The following AHCTF1 variants were observed in gnomAD, a reference collection of about 807,000 sequenced individuals.
The protein encoded by AHCTF1 is protein ELYS.
In AHCTF1, 24 loss-of-function variants were observed where a neutral mutation model predicts 248.4. That is an observed-to-expected ratio of 0.10 (90% confidence interval 0.07 to 0.14). The LOEUF (loss-of-function observed/expected upper bound fraction) is 0.14. Among genes scored for constraint, AHCTF1 ranks in the 10% least tolerant of loss-of-function variants. AHCTF1 has a pLI of 1.00. For synonymous variants in AHCTF1, 786 were observed against 929.8 expected, an observed-to-expected ratio of 0.85 and a Z score of 2.81; for missense variants, 2,206 against 2,636.2, an observed-to-expected ratio of 0.84 and a Z score of 3.57.
At position 246,916,326 on chromosome 1, in the gene AHCTF1, C is replaced by T. The variant is rs375868677; in HGVS notation, c.191G>A (p.Arg64Gln). The change falls in exon 3 of 36, where the codon CGA becomes CAA. Residue 64 changes from arginine (R) to glutamine (Q), a missense_variant. Physicochemically the swap from Arg to Gln is conservative, Grantham distance 43. Coordinates refer to ENST00000648844, the MANE Select transcript of AHCTF1 (RefSeq NM_001323342.2). ...LEVVNSITGE[R>Q]LSAYRFSGVN... Reference sequence around the variant, plus strand: ...TCCACTGAATCTGTAAGCAGACAATCGCTCTCCTGTTATAGAGTTTACTAC... The same window carrying T: ...TCCACTGAATCTGTAAGCAGACAATTGCTCTCCTGTTATAGAGTTTACTAC... 19 of 1,608,986 alleles carry T rather than the reference C, an allele frequency of 1.2e-5. No homozygotes were observed. The African/African-American group carries it at 2.1e-4, about 18-fold the overall frequency.
At chr1:246,845,466 GTC>G (rs1447307353) in intron 33 of AHCTF1, among the ~76,000 whole-genome samples, 3 of 152,160 alleles carry the variant, frequency 2.0e-5, no homozygotes, top group African/African-American at 7.2e-5. Flanking sequence ...TCTACTGGTG[GTC>G]TCTCTCTTGG....
rs1042426414 is a variant in AHCTF1 at position 246,905,462 on chromosome 1, A to G, written c.881+79T>C. The G allele has an allele frequency of 6.9e-6, 8 of 1,164,070 alleles. No individual in the cohort carries two copies. The Admixed American group carries it at 1.4e-4, about 21-fold the overall frequency. The allele number at this position is 1,164,070 out of a possible 1,614,324, so 72.1% of individuals were successfully genotyped here. A position where few individuals can be genotyped will look rare whatever the true frequency, so the allele number is the denominator to read the frequency against. ...CAGTGAGCCGAAATCACGCCACTGC[A>G]CTCCAGCCTGGACAACAGAGCGAGA... On this transcript the variant is annotated intron_variant, in intron 6 of 35. Coordinates refer to ENST00000648844, the MANE Select transcript of AHCTF1 (RefSeq NM_001323342.2).
At chr1:246,843,591 T>C (rs1444848921) in intron 34 of AHCTF1, among the ~76,000 whole-genome samples, 1 of 152,180 alleles carries the variant, frequency 6.6e-6, no homozygotes, top group Admixed American at 6.5e-5. Flanking sequence ...CACAGATGTG[T>C]CTTAAAGGTA....
rs1400582397 is a variant in AHCTF1 at position 246,902,542 on chromosome 1, T to C, written c.1100A>G (p.Glu367Gly). 2.5e-6 allele frequency: 4 copies of C among 1,610,482 alleles called. No homozygotes were observed. The African/African-American group carries it at 5.3e-5, about 22-fold the overall frequency. The change falls in exon 8 of 36, where the codon GAG (glutamate) becomes GGG (glycine). Residue 367 changes from glutamate to glycine, a missense_variant. Coordinates refer to ENST00000648844, the MANE Select transcript of AHCTF1 (RefSeq NM_001323342.2). The part of the protein sequence containing the change: ...IEKFRSHGDR[E>G]EGVNEALSPD... ...TAACTAACCTTCATTCACGCCTTCC[T>C]CCCTGTCACCATGAGATCGAAATTT...
intron 19 of AHCTF1, 131 bp from the exon 20 acceptor site, chr1:246,887,488 C>A: frequency 1.1e-6 from 1 of 896,420 alleles, no homozygotes; most frequent in Non-Finnish European, 1.7e-6. Flanking sequence ...TTTAGAAAGC[C>A]ATCATGGAGA....
At chr1:246,896,991 A>G (rs2103157944) in intron 12 of AHCTF1, among the ~76,000 whole-genome samples, 1 of 152,342 alleles carries the variant, frequency 6.6e-6, no homozygotes, top group South Asian at 2.1e-4. Context: ...CCTATAGTTT[A>G]TAGAAGTTCT....
chr1:246,914,421 TAC>T (rs1362481446), intron 3 of AHCTF1, among the ~76,000 whole-genome samples: 1 of 152,214 alleles, frequency 6.6e-6, no homozygotes. Context: ...GGCTGTAACT[TAC>T]TACAGACAAA....
chr1:246,848,798 C>T (rs1192226294), intron 33 of AHCTF1, among the ~76,000 whole-genome samples: 6 of 151,842 alleles, frequency 4.0e-5, no homozygotes, highest in East Asian at 2.0e-4. Flanking sequence ...TGCAGTGAGC[C>T]GAGATCATGC....
chr1:246,854,484 G>C (rs994080080), intron 31 of AHCTF1, among the ~76,000 whole-genome samples: 1 of 151,770 alleles, frequency 6.6e-6, no homozygotes, highest in Non-Finnish European at 1.5e-5. Flanking sequence ...AGTTAAGCAT[G>C]TAACATCTAC....
intron 32 of AHCTF1, 136 bp from the exon 33 acceptor site, chr1:246,851,578 G>A (rs535667245): frequency 1.4e-6 from 1 of 699,906 alleles, no homozygotes; most frequent in South Asian, 3.1e-5. Context: ...TATACTTATG[G>A]GTTTACTTTA....
intron 31 of AHCTF1, among the ~76,000 whole-genome samples, chr1:246,854,502 A>C (rs1440787900): frequency 2.0e-5 from 3 of 152,174 alleles, no homozygotes; most frequent in African/African-American, 7.2e-5. Context: ...TACACTACAA[A>C]ACACTATTAG....
intron 33 of AHCTF1, among the ~76,000 whole-genome samples, chr1:246,845,204 T>A (rs944733098): frequency 3.3e-5 from 5 of 152,296 alleles, no homozygotes; most frequent in Admixed American, 1.3e-4. Context: ...TTTAAAAAAA[T>A]GTTTTTTGTG....
intron 19 of AHCTF1, among the ~76,000 whole-genome samples, chr1:246,887,652 A>C (rs1158776393): frequency 6.6e-6 from 1 of 152,220 alleles, no homozygotes; most frequent in Non-Finnish European, 1.5e-5. Flanking sequence ...ACAAAGATAT[A>C]CGCAAATTTC....
At chr1:246,903,195 G>C (rs752024333) in intron 7 of AHCTF1, among the ~76,000 whole-genome samples, 4 of 152,172 alleles carry the variant, frequency 2.6e-5, no homozygotes, top group Admixed American at 1.3e-4. Context: ...TCTAGAGACA[G>C]GTATGTGAGG....
At chr1:246,926,788 G>A (rs2047191) in intron 1 of AHCTF1, among the ~76,000 whole-genome samples, 38,360 of 151,902 alleles carry the variant, frequency 0.25, 4,972 homozygotes, top group Admixed American at 0.3. Flanking sequence ...CCCGGGAGGC[G>A]GAGATTGCAG....
intron 4 of AHCTF1, 60 bp from the exon 5 acceptor site, chr1:246,907,818 A>G: frequency 2.2e-6 from 3 of 1,384,094 alleles, no homozygotes; most frequent in Non-Finnish European, 3.0e-6. Context: ...AAAAGCAAAT[A>G]TGTCATCCAT....
Position 246,907,413 on chromosome 1 carries a change from GTCATC to G in AHCTF1, c.764+133_764+137del, listed in dbSNP as rs1665470692. On this transcript the variant is annotated intron_variant, in intron 5 of 35. Transcript: ENST00000648844. Reference sequence around the variant, plus strand: ...ATTGATTTAATGCCATGAAAAATTAGTCATCTCAATCATTCATTCAATCATTAATC... The same window carrying G: ...ATTGATTTAATGCCATGAAAAATTAGTCAATCATTCATTCAATCATTAATC... 5.5e-6 allele frequency: 4 copies of G among 721,032 alleles called. No individual in the cohort carries two copies. In the South Asian group the frequency reaches 8.0e-5, roughly 14 times the overall value. The allele number at this position is 721,032 out of a possible 1,614,324, so 44.7% of individuals were successfully genotyped here. A position where few individuals can be genotyped will look rare whatever the true frequency, so the allele number is the denominator to read the frequency against.
rs1379963816 is a variant in AHCTF1 at position 246,864,264 on chromosome 1, A to G, written c.3348-148T>C. On this transcript the variant is annotated intron_variant, in intron 26 of 35. Coordinates refer to ENST00000648844, the MANE Select transcript of AHCTF1 (RefSeq NM_001323342.2). Reference sequence around the variant, plus strand: ...TATTAATGTAATCCAAAGTGCTACCATGCATTCAAAAAGTCAGAAAATTAT... The same window carrying G: ...TATTAATGTAATCCAAAGTGCTACCGTGCATTCAAAAAGTCAGAAAATTAT... 5 of 784,568 alleles carry G rather than the reference A, an allele frequency of 6.4e-6. No individual in the cohort carries two copies. The East Asian group carries it at 1.4e-4, about 22-fold the overall frequency. The allele number at this position is 784,568 out of a possible 1,614,324, so 48.6% of individuals were successfully genotyped here.
Position 246,864,024 on chromosome 1 carries a change from A to C in AHCTF1, c.3440T>G (p.Val1147Gly). Residue 1147 changes from valine to glycine, a missense_variant, in exon 27 of 36, where the codon GTA (valine) becomes GGA (glycine). Around this residue, in one of 6 missense-constraint regions of AHCTF1, gnomAD observed 955 missense variants for 1,055.6 expected, o/e 0.90. Coordinates refer to ENST00000648844, the MANE Select transcript of AHCTF1 (RefSeq NM_001323342.2). The stretch of plus-strand genomic sequence containing the variant: ...CGAACTTGAGGGCAGTGAACGGGAT[A>C]CTAGGTACAAAGGAGATTTCATGGA... ...QSSMKSPLYL[V>G]SRSLPSSSQL... The C allele has an allele frequency of 6.2e-7, 1 of 1,614,176 alleles. No individual in the cohort carries two copies. Among genetic ancestry groups the C allele is most frequent in the Non-Finnish European group, 8.5e-7 (1 of 1,179,990 alleles).
Sources: allele counts gnomAD v4.1 joint callset (sites outside exome capture counted in the v4.1 genomes callset), GRCh38; gene constraint gnomAD v4.1.1; regional missense constraint gnomAD v4.1.1; transcripts MANE v1.5; gene names NCBI Gene and HGNC (gene_info 2026-07-23, HGNC 2026-07-21).